AGO3: variants seen among roughly 807,000 people sequenced by gnomAD.
The protein encoded by AGO3 is protein argonaute-3.
In AGO3, 16 loss-of-function variants were observed where a neutral mutation model predicts 105.5. That is an observed-to-expected ratio of 0.15 (90% CI 0.10 to 0.23). The LOEUF (loss-of-function observed/expected upper bound fraction) is 0.23, where lower values mean the gene tolerates loss of function less well. Among genes scored for constraint, AGO3 ranks in the 10% least tolerant of loss-of-function variants. The probability of loss-of-function intolerance (pLI) is 1.00; values close to 1 mark genes in which losing one functional copy is unlikely to be tolerated. For missense variants in AGO3, 534 were observed against 1,088.0 expected (o/e 0.49, Z 7.16); for synonymous variants, 340 against 367.3 (o/e 0.93, Z 0.85).
intron 3 of AGO3, among the ~76,000 whole-genome samples, chr1:35,971,270 G>A (rs1055436961): frequency 4.0e-5 from 6 of 148,246 alleles, no homozygotes; most frequent in East Asian, 2.0e-4. Flanking sequence ...AATGATTCTC[G>A]TGCCTCAGCC....
rs1015414862 is a variant in AGO3, at chr1:36,032,091, A to G, written c.1592-2083A>G. Among the ~76,000 whole-genome samples the G allele has an allele frequency of 2.0e-5, 3 of 152,120 alleles. 1 individual carries two copies. Among genetic ancestry groups the G allele is most frequent in the African/African-American group, 4.8e-5 (2 of 41,432 alleles). The stretch of plus-strand genomic sequence containing the variant: ...ATCTAATAAGTGTCATTGCTGCATC[A>G]TATGGTAATTCTATTTTTAATTTTC... On this transcript the variant is annotated intron_variant, in intron 12 of 18. Transcript: ENST00000373191.
chr1:35,949,075 C>T (rs1488448792), intron 2 of AGO3, among the ~76,000 whole-genome samples: 2 of 152,124 alleles, frequency 1.3e-5, no homozygotes, highest in African/African-American at 4.8e-5. Flanking sequence ...TCCCGAGTAG[C>T]TGGAATTACA....
In AGO3 at chr1:36,040,044, G is replaced by A; in HGVS notation, c.2037+60G>A. ...AATCAGATATTGTGTTTATAATATG[G>A]TGTCTAGTTCTAGAGTTAAAAACCT... On this transcript the variant is annotated intron_variant, in intron 15 of 18. Transcript: ENST00000373191. 7.4e-6 allele frequency: 11 copies of A among 1,492,744 alleles called. No homozygotes were observed. In the South Asian group the frequency reaches 9.1e-5, roughly 12 times the overall value. The allele number at this position is 1,492,744 out of a possible 1,614,324, so 92.5% of individuals were successfully genotyped here. A position where few individuals can be genotyped will look rare whatever the true frequency, so the allele number is the denominator to read the frequency against.
rs563683907 is a variant in AGO3 at position 36,063,078 on chromosome 1, G to A, written c.*7333G>A. Reference sequence around the variant, plus strand: ...TAATAGCAGCAAAGATTAAGATGGAGTGTTAATATACCAACCAAACTACGA... The same window carrying A: ...TAATAGCAGCAAAGATTAAGATGGAATGTTAATATACCAACCAAACTACGA... On this transcript the variant is annotated 3_prime_UTR_variant, in exon 19 of 19. Transcript: ENST00000373191. The A allele has an allele frequency of 2.0e-5, 3 of 152,186 alleles. No individual in the cohort carries two copies. The highest frequency in any genetic ancestry group is 2.9e-5 in the Non-Finnish European group (2 of 68,032). The allele number at this position is 152,186 out of a possible 1,614,324, so 9.4% of individuals were successfully genotyped here.
At chr1:36,031,596 C>A (rs529531806) in intron 12 of AGO3, among the ~76,000 whole-genome samples, 47 of 152,110 alleles carry the variant, frequency 3.1e-4, no homozygotes, top group African/African-American at 1.1e-3. Flanking sequence ...AGAACATTCA[C>A]ATGTTGTGCA....
At chr1:36,029,411 T>C (rs1184033375) in intron 12 of AGO3, among the ~76,000 whole-genome samples, 1 of 148,406 alleles carries the variant, frequency 6.7e-6, no homozygotes, top group Non-Finnish European at 1.5e-5. Flanking sequence ...TTTTTTTTTT[T>C]TGAGAGAGAG....
chr1:36,022,948 A>C (rs564657125), intron 11 of AGO3, among the ~76,000 whole-genome samples: 15 of 148,850 alleles, frequency 1.0e-4, no homozygotes, highest in African/African-American at 2.3e-4. Context: ...AAAAAAACAA[A>C]AAAAAAAGAG....
chr1:36,005,237 A>G (rs1291416714), intron 6 of AGO3, among the ~76,000 whole-genome samples: 5 of 152,126 alleles, frequency 3.3e-5, no homozygotes, highest in Non-Finnish European at 5.9e-5. Context: ...GATTTTACCT[A>G]TTTATTGCAG....
intron 1 of AGO3, among the ~76,000 whole-genome samples, chr1:35,934,879 T>G (rs1300885160): frequency 6.6e-6 from 1 of 152,214 alleles, no homozygotes; most frequent in Non-Finnish European, 1.5e-5. Context: ...CTTGAACTCC[T>G]GACCTCAGGT....
At position 36,051,187 on chromosome 1, in the gene AGO3, G is replaced by A. The variant is rs866953757; in HGVS notation, c.2275-3759G>A. 5.9e-5 allele frequency among the ~76,000 whole-genome samples: 9 copies of A among 151,872 alleles called. 1 individual carries two copies. Among genetic ancestry groups the A allele is most frequent in the South Asian group, 2.1e-4 (1 of 4,810 alleles). On this transcript the variant is annotated intron_variant, in intron 17 of 18. Transcript: ENST00000373191. Reference sequence around the variant, plus strand: ...TGACCTCAAATGATCCGCCTGCCTCGGCCTCCCAAAGTACTAGGATTACAG... The same window carrying A: ...TGACCTCAAATGATCCGCCTGCCTCAGCCTCCCAAAGTACTAGGATTACAG...
chr1:36,015,738 T>C (rs965170537), intron 11 of AGO3, among the ~76,000 whole-genome samples: 3 of 152,240 alleles, frequency 2.0e-5, no homozygotes, highest in African/African-American at 7.2e-5. Flanking sequence ...TGTCTTTCGA[T>C]GACAGTTTAG....
At chr1:36,031,304 G>C (rs2148839257) in intron 12 of AGO3, among the ~76,000 whole-genome samples, 1 of 152,068 alleles carries the variant, frequency 6.6e-6, no homozygotes, top group Middle Eastern at 3.4e-3. Flanking sequence ...AGCCTCCCCA[G>C]TAGCTGGTAC....
chr1:35,970,329 C>A (rs1646842615), intron 3 of AGO3, among the ~76,000 whole-genome samples: 1 of 152,106 alleles, frequency 6.6e-6, no homozygotes, highest in African/African-American at 2.4e-5. Context: ...GAGTTCACAC[C>A]CGATTCTTCC....
chr1:36,036,930 G>A lies in AGO3; in HGVS notation c.1842+663G>A, dbSNP rs574791888. ...AGGCTGGTCTTGAACTCCTGATCTC[G>A]GTCAGTCCACCTGCTTCGGCCTCCC... On this transcript the variant is annotated intron_variant, in intron 14 of 18. Transcript: ENST00000373191. Among the ~76,000 whole-genome samples the A allele has an allele frequency of 9.2e-5, 14 of 151,946 alleles. No individual in the cohort carries two copies. The East Asian group carries it at 2.3e-3, about 25-fold the overall frequency.
chr1:36,049,655 A>G (rs1439818024), intron 17 of AGO3, among the ~76,000 whole-genome samples: 1 of 152,196 alleles, frequency 6.6e-6, no homozygotes, highest in Admixed American at 6.5e-5. Context: ...TATGCTGCCT[A>G]TGAGAAATTC....
chr1:36,039,492 C>CA (rs1048314282), intron 14 of AGO3, among the ~76,000 whole-genome samples: 1,026 of 53,698 alleles, frequency 0.019, 12 homozygotes, highest in Non-Finnish European at 0.037. Flanking sequence ...GACTGCGTCT[C>CA]AAAAAAAAAA....
chr1:35,931,306 C>T lies in AGO3; in HGVS notation c.-121C>T, dbSNP rs1050445355. ...GGTTGCTCAGGGGAAGCCGTCGCCGCCCCCGCCTCGGGGCCGAGTGAGAGT... is the reference window on the plus strand; with the variant it reads ...GGTTGCTCAGGGGAAGCCGTCGCCGTCCCCGCCTCGGGGCCGAGTGAGAGT... On this transcript the variant is annotated 5_prime_UTR_variant, in exon 1 of 19. Coordinates refer to ENST00000373191, the MANE Select transcript of AGO3 (RefSeq NM_024852.4). 2.2e-6 allele frequency: 2 copies of T among 904,768 alleles called. No individual in the cohort carries two copies. Among genetic ancestry groups the T allele is most frequent in the Admixed American group, 4.3e-5 (1 of 23,360 alleles). 56.0% of individuals were successfully genotyped at this position (904,768 alleles called of 1,614,324 possible).
chr1:36,058,951 T>G lies in AGO3; in HGVS notation c.*3206T>G, dbSNP rs1642991513. ...ATGCTTGATCAGTGTGAGTAAAACATCTTCCTTTATCATGGGAGCTGCACA... is the reference window on the plus strand; with the variant it reads ...ATGCTTGATCAGTGTGAGTAAAACAGCTTCCTTTATCATGGGAGCTGCACA... On this transcript the variant is annotated 3_prime_UTR_variant, in exon 19 of 19. Coordinates refer to ENST00000373191, the MANE Select transcript of AGO3 (RefSeq NM_024852.4). The G allele has an allele frequency of 1.3e-5, 2 of 152,134 alleles. No individual in the cohort carries two copies. Among genetic ancestry groups the G allele is most frequent in the Admixed American group, 1.3e-4 (2 of 15,254 alleles). The allele number at this position is 152,134 out of a possible 1,614,324, so 9.4% of individuals were successfully genotyped here. A position where few individuals can be genotyped will look rare whatever the true frequency, so the allele number is the denominator to read the frequency against.
chr1:36,021,721 C>T (rs1418988104), intron 11 of AGO3, among the ~76,000 whole-genome samples: 1 of 152,150 alleles, frequency 6.6e-6, no homozygotes, highest in African/African-American at 2.4e-5. Context: ...AATAGGATCA[C>T]AGGTCACTGT....
Sources: gnomAD v4.1 joint callset for allele counts (sites outside exome capture counted in the v4.1 genomes callset) on GRCh38, gnomAD v4.1.1 for gene constraint, MANE v1.5 for transcripts, NCBI Gene and HGNC (gene_info 2026-07-23, HGNC 2026-07-21) for gene names.